The following ANXA8 variants were observed in gnomAD, a reference collection of about 807,000 sequenced individuals.
The protein encoded by ANXA8 is annexin A8.
A neutral mutation model predicts 26.8 loss-of-function variants in ANXA8; 9 were observed. The observed-to-expected ratio is 0.34, with a 90% confidence interval of 0.20 to 0.59. The LOEUF (loss-of-function observed/expected upper bound fraction) is 0.59. ANXA8 is among the 20% of genes least tolerant of loss of function. ANXA8 has a pLI of 0.84. For synonymous variants in ANXA8, 39 were observed against 94.8 expected (o/e 0.41, Z 3.42); for missense variants, 83 against 238.5 (o/e 0.35, Z 4.29).
At chr10:47,976,972 C>T in the ANXA8 span, among the ~76,000 whole-genome samples, 2 of 74,616 alleles carry the variant, frequency 2.7e-5, no homozygotes, top group African/African-American at 4.5e-5. Flanking sequence ...GCCATGTGCA[C>T]GTGCAGGGTT....
the ANXA8 span, among the ~76,000 whole-genome samples, chr10:47,511,232 G>A: frequency 5.0e-5 from 7 of 141,390 alleles, no homozygotes; most frequent in South Asian, 2.2e-4. Context: ...CGTGAGCCAC[G>A]GCGCCCAGTC....
At chr10:47,948,213 G>A in the ANXA8 span, among the ~76,000 whole-genome samples, 1 of 135,510 alleles carries the variant, frequency 7.4e-6, no homozygotes, top group Non-Finnish European at 1.5e-5. Flanking sequence ...ATTAAGTAAG[G>A]TATAATTAAC....
chr10:47,480,649 T>C lies in ANXA8; in HGVS notation c.22-761A>G, dbSNP rs1350407044. ...AGGAATGGTAGAGAATGGAGGGATA[T>C]TGGAGATAGGTATTGAATTAGAGGG... On this transcript the variant is annotated intron_variant, in intron 1 of 11. Coordinates refer to ENST00000585281, the MANE Select transcript of ANXA8 (RefSeq NM_001040084.3). 2.7e-5 allele frequency among the ~76,000 whole-genome samples: 3 copies of C among 111,658 alleles called. 1 individual carries two copies. Among genetic ancestry groups the C allele is most frequent in the South Asian group, 3.1e-4 (1 of 3,206 alleles). The allele number at this position is 111,658 out of a possible 152,430, so 73.3% of individuals were successfully genotyped here.
chr10:47,707,167 C>CAAAAAAACAA, the ANXA8 span, among the ~76,000 whole-genome samples: 5 of 124,176 alleles, frequency 4.0e-5, 2 homozygotes, highest in East Asian at 1.2e-3. Flanking sequence ...CTGCAAACCT[C>CAAAAAAACAA]AAAAAAACAA....
At chr10:47,699,366 A>AC in the ANXA8 span, among the ~76,000 whole-genome samples, 1 of 147,874 alleles carries the variant, frequency 6.8e-6, no homozygotes, top group African/African-American at 2.5e-5. Context: ...AAAAAAAAAA[A>AC]AGAAAGAAGA....
the ANXA8 span, among the ~76,000 whole-genome samples, chr10:47,948,696 T>A: frequency 6.6e-6 from 1 of 150,684 alleles, no homozygotes; most frequent in Non-Finnish European, 1.5e-5. Context: ...AAAAAATATT[T>A]GAAGAAATAA....
At chr10:47,932,139 AC>A in the ANXA8 span, among the ~76,000 whole-genome samples, 8 of 145,972 alleles carry the variant, frequency 5.5e-5, 1 homozygote, top group Non-Finnish European at 9.1e-5. Flanking sequence ...AGGGACAGGC[AC>A]CCAACAGGCT....
the ANXA8 span, among the ~76,000 whole-genome samples, chr10:47,733,056 T>C: frequency 1.3e-5 from 2 of 151,174 alleles, no homozygotes; most frequent in Non-Finnish European, 3.0e-5. Context: ...AAGGGGGACT[T>C]GATTGACTCA....
chr10:47,743,335 T>TATATACACATATATA, the ANXA8 span, among the ~76,000 whole-genome samples: 1 of 72,878 alleles, frequency 1.4e-5, no homozygotes, highest in Middle Eastern at 5.4e-3. Context: ...TATACATATA[T>TATATACACATATATA]ATATACATAT....
At chr10:47,666,879 T>C in the ANXA8 span, among the ~76,000 whole-genome samples, 3 of 152,016 alleles carry the variant, frequency 2.0e-5, no homozygotes, top group Admixed American at 2.0e-4. Context: ...TCAAGAAACA[T>C]TTAAAAAATT....
the ANXA8 span, among the ~76,000 whole-genome samples, chr10:47,516,610 T>C: frequency 7.2e-6 from 1 of 138,148 alleles, no homozygotes; most frequent in African/African-American, 2.8e-5. Context: ...CCCAAAAGAC[T>C]TTAAGGAGTT....
At chr10:47,686,858 G>T in the ANXA8 span, among the ~76,000 whole-genome samples, 1 of 151,776 alleles carries the variant, frequency 6.6e-6, no homozygotes, top group Non-Finnish European at 1.5e-5. Flanking sequence ...CAAAATGGTT[G>T]GAGTAGAAGT....
chr10:47,522,122 A>T, the ANXA8 span, among the ~76,000 whole-genome samples: 1 of 146,464 alleles, frequency 6.8e-6, no homozygotes, highest in Non-Finnish European at 1.5e-5. Context: ...ACAAGATGCT[A>T]TTGTCAGGAG....
chr10:47,469,320 G>A (rs1460026009), intron 11 of ANXA8, among the ~76,000 whole-genome samples: 5 of 151,892 alleles, frequency 3.3e-5, no homozygotes, highest in African/African-American at 1.2e-4. Context: ...CACACACCTG[G>A]GGGCAGGGCC....
At chr10:47,627,224 G>T in the ANXA8 span, among the ~76,000 whole-genome samples, 1 of 150,062 alleles carries the variant, frequency 6.7e-6, no homozygotes, top group Non-Finnish European at 1.5e-5. Context: ...TCTCTGAAAG[G>T]CTAGAAAATG....
chr10:47,563,935 T>C, the ANXA8 span, among the ~76,000 whole-genome samples: 1 of 150,676 alleles, frequency 6.6e-6, no homozygotes, highest in Admixed American at 6.6e-5. Flanking sequence ...TTCCTCAACA[T>C]ATTCTATAAA....
chr10:47,971,336 C>A, the ANXA8 span, among the ~76,000 whole-genome samples: 5 of 151,194 alleles, frequency 3.3e-5, no homozygotes, highest in Admixed American at 1.3e-4. Context: ...AGATAAAGTG[C>A]TCAGGTTACA....
At chr10:47,623,545 A>C in the ANXA8 span, among the ~76,000 whole-genome samples, 3 of 111,616 alleles carry the variant, frequency 2.7e-5, no homozygotes, top group Admixed American at 2.8e-4. Context: ...GAATGTCTGT[A>C]TGTTTCTTAT....
At chr10:47,769,381 C>T in the ANXA8 span, among the ~76,000 whole-genome samples, 1 of 148,916 alleles carries the variant, frequency 6.7e-6, no homozygotes, top group Non-Finnish European at 1.5e-5. Context: ...ACCATGGCAC[C>T]CTCTCCAAGG....
Sources: allele counts gnomAD v4.1 joint callset (sites outside exome capture counted in the v4.1 genomes callset), GRCh38; gene constraint gnomAD v4.1.1; transcripts MANE v1.5; gene names NCBI Gene and HGNC (gene_info 2026-07-23, HGNC 2026-07-21).